MIAT: variants seen among roughly 807,000 people sequenced by gnomAD.
MIAT encodes the protein myocardial infarction associated transcript.
chr22:26,646,996 T>C (rs1489625877), intron 1 of MIAT: 1 of 398,382 alleles, frequency 2.5e-6, no homozygotes, highest in African/African-American at 2.1e-5. Context: ...TCTGCAGCCC[T>C]TTCAAGGTGG....
chr22:26,662,285 C>T (rs56366737), intron 2 of MIAT, among the ~76,000 whole-genome samples: 1,772 of 152,140 alleles, frequency 0.012, 37 homozygotes, highest in African/African-American at 0.041. Context: ...ACCCTCTGCC[C>T]CTTTGGGGTC....
chr22:26,674,848 T>A (rs1931201082), exon 5 of MIAT: 2 of 398,576 alleles, frequency 5.0e-6, no homozygotes, highest in South Asian at 2.5e-4. Flanking sequence ...AAGGATCTAC[T>A]ATGTGCCAGG....
At chr22:26,672,108 G>A (rs73163300), downstream of MIAT, 32,068 of 399,610 alleles carry the variant, frequency 0.08, 1,466 homozygotes, top group South Asian at 0.11. Flanking sequence ...ACCTGCGTGC[G>A]TTCTTCCTTT....
chr22:26,648,782 C>T (rs1001936187), intron 2 of MIAT, among the ~76,000 whole-genome samples: 1 of 152,160 alleles, frequency 6.6e-6, no homozygotes, highest in East Asian at 1.9e-4. Flanking sequence ...TGTGTGTGCA[C>T]TGCAGACAGT....
intron 2 of MIAT, among the ~76,000 whole-genome samples, chr22:26,651,799 C>T (rs1930340821): frequency 6.6e-6 from 1 of 152,196 alleles, no homozygotes; most frequent in Non-Finnish European, 1.5e-5. Flanking sequence ...CAAAAGGTCA[C>T]ATATGACAAT....
At chr22:26,661,840 A>G (rs1263874079) in intron 2 of MIAT, among the ~76,000 whole-genome samples, 1 of 149,748 alleles carries the variant, frequency 6.7e-6, no homozygotes, top group Non-Finnish European at 1.5e-5. Context: ...GCAGATGGCC[A>G]TCGAGTTTGC....
chr22:26,660,076 T>G (rs1389392695), intron 2 of MIAT, among the ~76,000 whole-genome samples: 1 of 151,332 alleles, frequency 6.6e-6, no homozygotes, highest in Non-Finnish European at 1.5e-5. Context: ...CCTCAAGTGA[T>G]CTGCCCGCCT....
chr22:26,653,650 C>G (rs1199432773), intron 2 of MIAT, among the ~76,000 whole-genome samples: 1 of 152,136 alleles, frequency 6.6e-6, no homozygotes, highest in Non-Finnish European at 1.5e-5. Flanking sequence ...TTTATAAAAG[C>G]ATTGTGACCT....
exon 5 of MIAT, chr22:26,675,470 CAG>C (rs1323793452): frequency 7.5e-6 from 3 of 398,514 alleles, no homozygotes; most frequent in Non-Finnish European, 1.3e-5. Flanking sequence ...AGGTGGAACT[CAG>C]AGGAGTTTGC....
chr22:26,665,516 AG>A (rs1344966187), intron 3 of MIAT: 1 of 398,622 alleles, frequency 2.5e-6, no homozygotes, highest in African/African-American at 2.1e-5. Flanking sequence ...TGAGCAGTCC[AG>A]GGTCTATTTA....
chr22:26,674,119 A>G (rs988360190), downstream of MIAT: 3 of 398,506 alleles, frequency 7.5e-6, no homozygotes, highest in Non-Finnish European at 1.3e-5. Flanking sequence ...CTAGGACATA[A>G]AGCTTTAGAT....
chr22:26,657,772 G>C (rs561770699), intron 2 of MIAT: 1 of 398,050 alleles, frequency 2.5e-6, no homozygotes, highest in Admixed American at 4.4e-5. Context: ...CCAGGGCTGG[G>C]TTCAGGGATG....
chr22:26,673,415 G>T, downstream of MIAT: 1 of 398,942 alleles, frequency 2.5e-6, no homozygotes, highest in South Asian at 1.3e-4. Context: ...CCCAGGGGCT[G>T]ACCACTAACA....
chr22:26,652,134 C>T (rs1930346535), intron 2 of MIAT, among the ~76,000 whole-genome samples: 1 of 152,164 alleles, frequency 6.6e-6, no homozygotes, highest in Non-Finnish European at 1.5e-5. Context: ...GCTGGGACCA[C>T]AGGCACACAC....
downstream of MIAT, chr22:26,670,359 T>C (rs1226870184): frequency 2.5e-6 from 1 of 398,024 alleles, no homozygotes; most frequent in Non-Finnish European, 4.4e-6. Context: ...CTGGATGGGA[T>C]AAAACCAGCT....
chr22:26,660,814 C>T (rs771051275), intron 2 of MIAT: 1 of 152,250 alleles, frequency 6.6e-6, no homozygotes, highest in Non-Finnish European at 1.5e-5. Context: ...GAGAGTTACG[C>T]AGGTCCGTGT....
chr22:26,667,351 TGTGC>T, intron 5 of MIAT: 1 of 397,398 alleles, frequency 2.5e-6, no homozygotes, highest in Non-Finnish European at 4.4e-6. Context: ...TGTGTGTGTG[TGTGC>T]GTGTGCACAT....
intron 2 of MIAT, among the ~76,000 whole-genome samples, chr22:26,653,146 A>G (rs1033340898): frequency 1.3e-5 from 2 of 152,236 alleles, no homozygotes; most frequent in African/African-American, 4.8e-5. Context: ...CCACAAAGGC[A>G]CTCAACAGAT....
chr22:26,653,464 G>A (rs1930373595), intron 2 of MIAT, among the ~76,000 whole-genome samples: 1 of 152,096 alleles, frequency 6.6e-6, no homozygotes, highest in Non-Finnish European at 1.5e-5. Flanking sequence ...AACAGCAAAA[G>A]AACTAACATA....
Sources: allele counts gnomAD v4.1 joint callset (sites outside exome capture counted in the v4.1 genomes callset), GRCh38; gene constraint gnomAD v4.1.1; transcripts MANE v1.5; gene names NCBI Gene and HGNC (gene_info 2026-07-23, HGNC 2026-07-21).